Variants in IGSF11 observed in about 807,000 individuals in gnomAD.
IGSF11 encodes CXADR like 1.
In IGSF11, 22 loss-of-function variants were observed where a neutral mutation model predicts 41.0. The observed-to-expected ratio is 0.54, with a 90% CI of 0.38 to 0.77. IGSF11 has a LOEUF of 0.77. Among genes scored for constraint, IGSF11 ranks in the 30% least tolerant of loss-of-function variants. The probability of loss-of-function intolerance (pLI) is 0.00; values close to 1 mark genes in which losing one functional copy is unlikely to be tolerated. For synonymous variants in IGSF11, 219 were observed against 201.3 expected, an observed-to-expected ratio of 1.09 and a Z score of -0.74; for missense variants, 444 against 530.8, an observed-to-expected ratio of 0.84 and a Z score of 1.61.
intron 1 of IGSF11, among the ~76,000 whole-genome samples, chr3:119,053,923 C>A (rs569143089): frequency 4.6e-5 from 7 of 151,950 alleles, no homozygotes; most frequent in Non-Finnish European, 8.8e-5. Flanking sequence ...GGGAAAGGAC[C>A]CCCTATTCAA....
intron 1 of IGSF11, among the ~76,000 whole-genome samples, chr3:119,076,974 G>A (rs946168211): frequency 6.6e-6 from 1 of 152,194 alleles, no homozygotes; most frequent in Non-Finnish European, 1.5e-5. Flanking sequence ...GCACACGCAT[G>A]TTTATTGTGG....
intron 3 of IGSF11, among the ~76,000 whole-genome samples, chr3:118,927,879 G>GAA (rs1185863920): frequency 6.6e-6 from 1 of 152,146 alleles, no homozygotes; most frequent in Non-Finnish European, 1.5e-5. Flanking sequence ...TGGTGTAATG[G>GAA]AAAGAGTGCT....
At chr3:119,099,386 T>C (rs557811726) in intron 1 of IGSF11, among the ~76,000 whole-genome samples, 11 of 152,222 alleles carry the variant, frequency 7.2e-5, no homozygotes, top group African/African-American at 1.2e-4. Context: ...TACCACTAAG[T>C]AGAATGGAAA....
chr3:119,115,271 G>A (rs1389623544), intron 1 of IGSF11, among the ~76,000 whole-genome samples: 1 of 152,170 alleles, frequency 6.6e-6, no homozygotes, highest in Non-Finnish European at 1.5e-5. Context: ...ACCTAGCAGT[G>A]GGATTACTGG....
intron 1 of IGSF11, among the ~76,000 whole-genome samples, chr3:118,937,754 T>C (rs1011571174): frequency 3.5e-4 from 54 of 152,336 alleles, no homozygotes; most frequent in Non-Finnish European, 6.5e-4. Context: ...ATCTTCATTT[T>C]CTGGCTGAAG....
rs528460013 is a variant in IGSF11, at chr3:119,095,213, C to T, written c.49+9931G>A. On this transcript the variant is annotated intron_variant, in intron 1 of 6. Transcript: ENST00000354673. ...ATGCTCGTATCTGAGAATGTATAAT[C>T]TTTGTTTTTGTTAATACCCTCTCCA... 1.6e-4 allele frequency among the ~76,000 whole-genome samples: 24 copies of T among 152,232 alleles called. 1 individual carries two copies. In the South Asian group the frequency reaches 4.8e-3, roughly 30 times the overall value.
At chr3:119,119,543 G>A (rs2077304713) in intron 1 of IGSF11, among the ~76,000 whole-genome samples, 1 of 152,128 alleles carries the variant, frequency 6.6e-6, no homozygotes, top group South Asian at 2.1e-4. Flanking sequence ...GGTTGTCTGT[G>A]ATATTTTAAA....
chr3:118,992,261 G>A (rs966301654), intron 1 of IGSF11, among the ~76,000 whole-genome samples: 17 of 152,110 alleles, frequency 1.1e-4, no homozygotes, highest in Non-Finnish European at 1.0e-4. Context: ...AAAAACTCAC[G>A]TAGCAGACAT....
At chr3:118,991,247 A>G (rs1457354795) in intron 1 of IGSF11, among the ~76,000 whole-genome samples, 12 of 152,234 alleles carry the variant, frequency 7.9e-5, no homozygotes, top group African/African-American at 2.9e-4. Context: ...CTGTATCCCC[A>G]CTAACCATAA....
intron 4 of IGSF11, among the ~76,000 whole-genome samples, chr3:118,909,620 T>G (rs1940026707): frequency 6.6e-6 from 1 of 152,228 alleles, no homozygotes; most frequent in South Asian, 2.1e-4. Flanking sequence ...AAAGAACCTG[T>G]TCCCATTAAT....
intron 1 of IGSF11, among the ~76,000 whole-genome samples, chr3:119,019,701 C>T (rs1172673336): frequency 6.6e-6 from 1 of 152,108 alleles, no homozygotes; most frequent in Non-Finnish European, 1.5e-5. Flanking sequence ...CTAGGCCAGA[C>T]TGGTAACCAG....
intron 1 of IGSF11, among the ~76,000 whole-genome samples, chr3:119,056,634 C>T (rs1218721615): frequency 1.3e-5 from 2 of 152,156 alleles, no homozygotes; most frequent in African/African-American, 4.8e-5. Context: ...AGGCCAGCAC[C>T]ATCCTGATAC....
intron 1 of IGSF11, among the ~76,000 whole-genome samples, chr3:119,058,744 A>G (rs1299514102): frequency 6.6e-6 from 1 of 152,160 alleles, no homozygotes; most frequent in African/African-American, 2.4e-5. Flanking sequence ...ACAATGATAG[A>G]CTGGATTAAG....
chr3:118,998,897 A>G (rs1936532806), intron 1 of IGSF11, among the ~76,000 whole-genome samples: 1 of 152,164 alleles, frequency 6.6e-6, no homozygotes, highest in Non-Finnish European at 1.5e-5. Context: ...GGCATTGTTT[A>G]TAATAGTAAA....
intron 1 of IGSF11, among the ~76,000 whole-genome samples, chr3:118,935,262 T>C (rs1943156196): frequency 7.0e-6 from 1 of 142,758 alleles, no homozygotes; most frequent in Non-Finnish European, 1.5e-5. Context: ...TATATATAAA[T>C]ATATACACAC....
At position 118,914,345 on chromosome 3, in the gene IGSF11, C is replaced by T. The variant is rs370663411; in HGVS notation, c.581-8627G>A. On this transcript the variant is annotated intron_variant, in intron 4 of 6. Transcript: ENST00000393775. The stretch of plus-strand genomic sequence containing the variant: ...ATTTCTGCATTTCCATCTGAGGTAC[C>T]GGGTTCATCTCACTAGGGAGTGCCA... Among the ~76,000 whole-genome samples, 191 of 150,266 alleles carry T rather than the reference C, an allele frequency of 1.3e-3. 1 individual carries two copies. Among genetic ancestry groups the T allele is most frequent in the African/African-American group, 3.6e-3 (147 of 40,418 alleles).
chr3:119,007,707 C>T (rs1160011329), intron 1 of IGSF11, among the ~76,000 whole-genome samples: 2 of 152,160 alleles, frequency 1.3e-5, no homozygotes, highest in African/African-American at 4.8e-5. Flanking sequence ...CTACCAAGAT[C>T]TTGTTTGCTC....
At chr3:118,993,504 T>G (rs540411052) in intron 1 of IGSF11, among the ~76,000 whole-genome samples, 1 of 152,316 alleles carries the variant, frequency 6.6e-6, no homozygotes, top group East Asian at 1.9e-4. Flanking sequence ...CCACCTTTAG[T>G]TATATATGCA....
intron 1 of IGSF11, among the ~76,000 whole-genome samples, chr3:119,025,732 C>T (rs1214584701): frequency 1.3e-5 from 2 of 151,626 alleles, no homozygotes; most frequent in African/African-American, 4.8e-5. Flanking sequence ...TTTTTCTCTC[C>T]CCGGATGTTA....
Sources: gnomAD v4.1 joint callset for allele counts (sites outside exome capture counted in the v4.1 genomes callset) on GRCh38, gnomAD v4.1.1 for gene constraint, MANE v1.5 for transcripts, NCBI Gene and HGNC (gene_info 2026-07-23, HGNC 2026-07-21) for gene names.